C8B: variants seen among roughly 807,000 people sequenced by gnomAD.
C8B encodes complement component C8 beta chain.
A neutral mutation model predicts 64.6 loss-of-function variants in C8B; 67 were observed. The observed-to-expected ratio is 1.04, with a 90% CI of 0.85 to 1.27. The LOEUF is 1.27. Ranked by LOEUF, C8B falls within the 50% of genes most tolerant of loss-of-function variation. The pLI, the probability that C8B is intolerant of heterozygous loss-of-function variation, is 0.00. For synonymous variants in C8B, 284 were observed against 257.7 expected (o/e 1.10, Z -0.98); for missense variants, 790 against 725.2 (o/e 1.09, Z -1.03).
Position 56,932,014 on chromosome 1 carries a change from G to A in C8B, c.1553-136C>T, listed in dbSNP as rs150841037. The A allele has an allele frequency of 6.0e-4, 411 of 685,026 alleles. 2 individuals carry two copies. The highest frequency in any genetic ancestry group is 5.8e-3 in the African/African-American group (329 of 56,708). The allele number at this position is 685,026 out of a possible 1,614,324, so 42.4% of individuals were successfully genotyped here. A position where few individuals can be genotyped will look rare whatever the true frequency, so the allele number is the denominator to read the frequency against. On this transcript the variant is annotated intron_variant, in intron 10 of 11. Coordinates refer to ENST00000371237, the MANE Select transcript of C8B (RefSeq NM_000066.4). Reference sequence around the variant, plus strand: ...TTAGTTAAATGGCTTGCTATAGGCAGGTTCAGGGCCAGGAATACCTACTCC... The same window carrying A: ...TTAGTTAAATGGCTTGCTATAGGCAAGTTCAGGGCCAGGAATACCTACTCC...
chr1:56,932,258 A>G (rs887453309), intron 10 of C8B, among the ~76,000 whole-genome samples: 16 of 152,080 alleles, frequency 1.1e-4, no homozygotes, highest in Admixed American at 1.0e-3. Context: ...AGGATGGGGA[A>G]CTCATTACTC....
At chr1:56,935,337 T>G (rs1644760806) in intron 9 of C8B, among the ~76,000 whole-genome samples, 1 of 152,170 alleles carries the variant, frequency 6.6e-6, no homozygotes, top group African/African-American at 2.4e-5. Context: ...TGCTGCTCAT[T>G]TTTTTCCTGT....
chr1:56,929,516 G>A lies in C8B; in HGVS notation c.1664C>T (p.Ser555Phe). The A allele has an allele frequency of 6.2e-7, 1 of 1,613,896 alleles. No homozygotes were observed. The highest frequency in any genetic ancestry group is 8.5e-7 in the Non-Finnish European group (1 of 1,179,872). Residue 555 changes from serine (S) to phenylalanine (F), a missense_variant, in exon 12 of 12, where the codon TCT becomes TTT. Physicochemically the swap from Ser to Phe is radical, Grantham distance 155. Coordinates refer to ENST00000371237, the MANE Select transcript of C8B (RefSeq NM_000066.4). ...TGTCTTACGTCTTCCAGAGCATGAAGACCAATTTGACCAGCAATTCCACTT... is the reference window on the plus strand; with the variant it reads ...TGTCTTACGTCTTCCAGAGCATGAAAACCAATTTGACCAGCAATTCCACTT... ...DGKWNCWSNWSSCSGRRKTRQ... is the reference protein window; with the variant it reads ...DGKWNCWSNWFSCSGRRKTRQ...
At chr1:56,959,756 T>C (rs1028516370) in intron 2 of C8B, 2 of 810,586 alleles carry the variant, frequency 2.5e-6, no homozygotes, top group Non-Finnish European at 3.8e-6. Flanking sequence ...GAAAGATTGA[T>C]TGAAAGAACA....
chr1:56,931,633 A>G, intron 11 of C8B, 177 bp downstream of exon 11: 1 of 607,220 alleles, frequency 1.6e-6, no homozygotes, highest in Non-Finnish European at 3.0e-6. Flanking sequence ...GAAATGCATA[A>G]CAATCAATCC....
chr1:56,945,971 G>A lies in C8B; in HGVS notation c.955C>T (p.Gln319Ter), dbSNP rs746172125. The A allele has an allele frequency of 6.2e-7, 1 of 1,614,152 alleles. No homozygotes were observed. The highest frequency in any genetic ancestry group is 1.7e-5 in the Admixed American group (1 of 60,020). ...RSLMLHYEFLQRVKRLPLEYS... is the reference protein window; with the variant it reads ...RSLMLHYEFL ...TCCAGGGGCAGCCGCTTAACTCTCT[G>A]AAGGAACTCGTAATGGAGCATGAGG... is the stretch of plus-strand genomic sequence containing the variant. The change falls in exon 7 of 12, where the codon CAG (glutamine) becomes TAG (stop). Residue 319 changes from glutamine (Q) to a stop codon, truncating the protein, a stop_gained. Coordinates refer to ENST00000371237, the MANE Select transcript of C8B (RefSeq NM_000066.4). LOFTEE classifies it high-confidence loss of function.
intron 9 of C8B, among the ~76,000 whole-genome samples, chr1:56,938,812 C>T (rs569318004): frequency 2.6e-4 from 40 of 152,146 alleles, no homozygotes; most frequent in Admixed American, 2.6e-4. Context: ...AACTGCCACT[C>T]CAGCTACCTG....
chr1:56,933,118 A>G (rs1644726190), intron 10 of C8B, among the ~76,000 whole-genome samples: 1 of 152,180 alleles, frequency 6.6e-6, no homozygotes, highest in Non-Finnish European at 1.5e-5. Flanking sequence ...CTTGCTGTGG[A>G]CCACAGGATC....
intron 6 of C8B, among the ~76,000 whole-genome samples, chr1:56,949,128 T>C (rs1644984115): frequency 6.6e-6 from 1 of 152,122 alleles, no homozygotes; most frequent in Non-Finnish European, 1.5e-5. Context: ...ATATGCTATA[T>C]CTGGAATGTC....
At chr1:56,932,101 G>T (rs1644710676) in intron 10 of C8B, among the ~76,000 whole-genome samples, 2 of 152,196 alleles carry the variant, frequency 1.3e-5, no homozygotes, top group South Asian at 2.1e-4. Flanking sequence ...ACATAGAGTT[G>T]TTGAAGACAA....
At chr1:56,932,394 T>C (rs554456857) in intron 10 of C8B, among the ~76,000 whole-genome samples, 1 of 152,306 alleles carries the variant, frequency 6.6e-6, no homozygotes, top group South Asian at 2.1e-4. Context: ...GTGTCCATCA[T>C]AGGTCAGGCC....
intron 1 of C8B, among the ~76,000 whole-genome samples, chr1:56,962,825 C>G (rs1230891382): frequency 6.6e-6 from 1 of 152,180 alleles, no homozygotes; most frequent in African/African-American, 2.4e-5. Flanking sequence ...TGTCTATACA[C>G]TATCTATAGT....
chr1:56,963,758 A>G, intron 1 of C8B: 5 of 589,330 alleles, frequency 8.5e-6, no homozygotes, highest in Non-Finnish European at 1.1e-5. Context: ...GAAACTGTAA[A>G]CAGTAGCACT....
chr1:56,933,533 C>T (rs547941636), intron 9 of C8B, 45 bp from the exon 10 acceptor site: 5 of 1,560,902 alleles, frequency 3.2e-6, no homozygotes, highest in East Asian at 2.2e-5. Flanking sequence ...AAACATTTAT[C>T]AAGTAGAAGT....
rs776590472 is a variant in C8B, at chr1:56,956,892, G to T, written c.268C>A (p.Leu90Ile). The T allele has an allele frequency of 6.2e-7, 1 of 1,613,986 alleles. No individual in the cohort carries two copies. The highest frequency in any genetic ancestry group is 1.3e-5 in the African/African-American group (1 of 74,902). Residue 90 changes from leucine to isoleucine, a missense_variant, in exon 3 of 12, where the codon CTC becomes ATC. By Grantham distance (5) the Leu-to-Ile change is conservative. Transcript: ENST00000371237. ...QKKRYRYAYL[L>I]QPSQFHGEPC... ...TCCCCATGGAACTGAGAGGGCTGGA[G>T]CAAGTAGGCATACCTGTACTGTAGC...
At position 56,956,858 on chromosome 1, in the gene C8B, T is replaced by G; in HGVS notation, c.302A>C (p.Asn101Thr). ...GTCTTCGACTTCCTTGTCAGAGAAG[T>G]TGCACGGTTCCCCATGGAACTGAGA... ...QPSQFHGEPC[N>T]FSDKEVEDCV... The change falls in exon 3 of 12, where the codon AAC becomes ACC. Residue 101 changes from asparagine (N) to threonine (T), a missense_variant. Asn to Thr is a moderately conservative substitution (Grantham distance 65). Coordinates refer to ENST00000371237, the MANE Select transcript of C8B (RefSeq NM_000066.4). 6.2e-7 allele frequency: 1 copy of G among 1,614,110 alleles called. No homozygotes were observed. The highest frequency in any genetic ancestry group is 8.5e-7 in the Non-Finnish European group (1 of 1,179,996).
intron 9 of C8B, among the ~76,000 whole-genome samples, chr1:56,934,168 T>TTA (rs1553179724): frequency 6.6e-6 from 1 of 151,132 alleles, no homozygotes; most frequent in African/African-American, 2.4e-5. Flanking sequence ...AGGGTCCTTT[T>TTA]TTTTTTTCTT....
At chr1:56,938,059 A>G (rs1644799173) in intron 9 of C8B, among the ~76,000 whole-genome samples, 1 of 152,238 alleles carries the variant, frequency 6.6e-6, no homozygotes, top group Non-Finnish European at 1.5e-5. Context: ...TTAGTTTTCA[A>G]TGAGCTGTTC....
rs1417275659 is a variant in C8B, at chr1:56,954,751, T to C, written c.468A>G (p.Arg156=). Residue 156 remains arginine (R), a synonymous_variant, in exon 4 of 12, where the codon AGA becomes AGG. Transcript: ENST00000371237. ...CATGCTGACATTTTTTATAAATCCT[T>C]CTACAGTTTGCTTCATCTGACTGGT... ...CGDQSDEANC[R]RIYKKCQHEM... is the part of the protein sequence containing the mutation. The C allele has an allele frequency of 3.7e-6, 6 of 1,614,038 alleles. No individual in the cohort carries two copies. The Admixed American group carries it at 1.0e-4, about 27-fold the overall frequency.
Sources: allele counts gnomAD v4.1 joint callset (sites outside exome capture counted in the v4.1 genomes callset), GRCh38; gene constraint gnomAD v4.1.1; transcripts MANE v1.5; gene names NCBI Gene and HGNC (gene_info 2026-07-23, HGNC 2026-07-21).